CAST: variants seen among roughly 807,000 people sequenced by gnomAD.
The protein encoded by CAST is calpastatin.
A neutral mutation model predicts 119.6 loss-of-function variants in CAST; 76 were observed. The observed-to-expected ratio is 0.64, with a 90% CI of 0.53 to 0.77. CAST has a LOEUF of 0.77. Ranked by LOEUF, CAST falls within the 30% of genes least tolerant of loss-of-function variation. CAST has a pLI of 0.00. For synonymous variants in CAST, 319 were observed against 331.6 expected, an observed-to-expected ratio of 0.96 and a Z score of 0.41; for missense variants, 953 against 946.5, an observed-to-expected ratio of 1.01 and a Z score of -0.09.
the CAST span, among the ~76,000 whole-genome samples, chr5:96,364,194 T>C: frequency 6.6e-6 from 1 of 152,242 alleles, no homozygotes; most frequent in Non-Finnish European, 1.5e-5. Context: ...AACTTGATCA[T>C]GGTGAATAAG....
chr5:96,755,330 C>T (rs763211795), intron 22 of CAST: 1 of 151,640 alleles, frequency 6.6e-6, no homozygotes, highest in African/African-American at 2.4e-5. Context: ...CAGAGCGAGA[C>T]CCTAACTCAA....
At chr5:96,371,995 T>C in the CAST span, among the ~76,000 whole-genome samples, 1 of 152,232 alleles carries the variant, frequency 6.6e-6, no homozygotes, top group Non-Finnish European at 1.5e-5. Flanking sequence ...TGATTAACTT[T>C]GTTTTTTTAA....
the CAST span, among the ~76,000 whole-genome samples, chr5:96,457,754 A>G: frequency 6.6e-6 from 1 of 152,178 alleles, no homozygotes; most frequent in African/African-American, 2.4e-5. Flanking sequence ...CCCAGAATGA[A>G]CCGTCACTGT....
chr5:96,339,767 T>C, the CAST span, among the ~76,000 whole-genome samples: 8 of 152,280 alleles, frequency 5.3e-5, 1 homozygote, highest in East Asian at 1.5e-3. Flanking sequence ...CAGGAACTCT[T>C]CTGTGTTTGA....
At chr5:96,419,451 A>G in the CAST span, among the ~76,000 whole-genome samples, 12 of 145,192 alleles carry the variant, frequency 8.3e-5, no homozygotes, top group Non-Finnish European at 1.5e-4. Context: ...CTCTCTCTAT[A>G]TATATATACA....
chr5:96,458,151 A>G, the CAST span, among the ~76,000 whole-genome samples: 3 of 152,152 alleles, frequency 2.0e-5, no homozygotes, highest in Non-Finnish European at 4.4e-5. Flanking sequence ...GTTACTTTTT[A>G]AAATAGTTGA....
At chr5:96,387,803 A>G in the CAST span, among the ~76,000 whole-genome samples, 1 of 152,192 alleles carries the variant, frequency 6.6e-6, no homozygotes, top group Middle Eastern at 3.2e-3. Flanking sequence ...GTAAGACAGA[A>G]CTAAGGCCAA....
At chr5:96,236,875 C>G in the CAST span, among the ~76,000 whole-genome samples, 1 of 152,110 alleles carries the variant, frequency 6.6e-6, no homozygotes, top group Non-Finnish European at 1.5e-5. Flanking sequence ...ACATTCCTGT[C>G]CATGTGTAGT....
the CAST span, among the ~76,000 whole-genome samples, chr5:96,050,842 G>A: frequency 7.9e-5 from 12 of 152,116 alleles, no homozygotes; most frequent in South Asian, 4.1e-4. Context: ...TGGAGTGTGC[G>A]GAGGAGCGGG....
At chr5:96,763,115 T>G (rs1768573310) in intron 25 of CAST, 1 of 778,950 alleles carries the variant, frequency 1.3e-6, no homozygotes, top group Admixed American at 1.7e-5. Context: ...ATGAAGTAAC[T>G]TTAGCGAAGT....
the CAST span, among the ~76,000 whole-genome samples, chr5:95,983,972 C>A: frequency 3.3e-5 from 5 of 152,012 alleles, no homozygotes; most frequent in Non-Finnish European, 7.4e-5. Context: ...AAATGTAGAT[C>A]CTAGGGGAAG....
the CAST span, among the ~76,000 whole-genome samples, chr5:95,963,725 C>CTTTTTTTTTTTTTTTTT: frequency 2.3e-4 from 30 of 129,976 alleles, no homozygotes; most frequent in African/African-American, 6.8e-4. Flanking sequence ...TTCTCTCTCT[C>CTTTTTTTTTTTTTTTTT]TTTTTTTTTT....
the CAST span, among the ~76,000 whole-genome samples, chr5:96,360,092 A>G: frequency 1.3e-5 from 2 of 151,720 alleles, no homozygotes; most frequent in African/African-American, 4.8e-5. Flanking sequence ...CTGATCTTCA[A>G]TCTCTGATAT....
intron 9 of CAST, among the ~76,000 whole-genome samples, chr5:96,735,526 A>G (rs576638042): frequency 6.6e-6 from 1 of 152,364 alleles, no homozygotes; most frequent in African/African-American, 2.4e-5. Flanking sequence ...AGTAAAAGAG[A>G]TGCCAGAGGT....
intron 1 of CAST, chr5:96,663,307 CCT>C (rs1024463592): frequency 2.9e-6 from 2 of 686,112 alleles, no homozygotes; most frequent in African/African-American, 3.5e-5. Flanking sequence ...GGTGCGACCT[CCT>C]CGCAGACCTT....
At chr5:96,042,156 T>G in the CAST span, among the ~76,000 whole-genome samples, 720 of 152,118 alleles carry the variant, frequency 4.7e-3, 9 homozygotes, top group African/African-American at 0.017. Context: ...GCCAACAAAA[T>G]CAGGTAACTG....
chr5:96,754,526 C>G, intron 21 of CAST, 132 bp from the exon 22 acceptor site: 1 of 648,064 alleles, frequency 1.5e-6, no homozygotes, highest in Non-Finnish European at 2.8e-6. Flanking sequence ...GCTGTAGGAG[C>G]ACTAAGCATA....
the CAST span, among the ~76,000 whole-genome samples, chr5:96,204,334 C>T: frequency 6.6e-6 from 1 of 152,002 alleles, no homozygotes; most frequent in Non-Finnish European, 1.5e-5. Context: ...ACAAAGCTAC[C>T]ACACAGCTAT....
the CAST span, chr5:96,429,244 T>C: frequency 2.5e-6 from 4 of 1,595,648 alleles, no homozygotes; most frequent in Non-Finnish European, 2.6e-6. Flanking sequence ...CTTAGTGATA[T>C]GAAAGGCACT....
Sources: gnomAD v4.1 joint callset for allele counts (sites outside exome capture counted in the v4.1 genomes callset) on GRCh38, gnomAD v4.1.1 for gene constraint, MANE v1.5 for transcripts, NCBI Gene and HGNC (gene_info 2026-07-23, HGNC 2026-07-21) for gene names.